Variants in NEDD4L observed in about 807,000 individuals in gnomAD.
The protein encoded by NEDD4L is NEDD4 like E3 ubiquitin protein ligase.
A neutral mutation model predicts 148.9 loss-of-function variants in NEDD4L; 54 were observed. The ratio of observed to expected loss-of-function variants is 0.36; its 90% CI spans 0.29 to 0.45. The LOEUF (loss-of-function observed/expected upper bound fraction) is 0.45. NEDD4L is among the 20% of genes least tolerant of loss of function. The pLI, the probability that NEDD4L is intolerant of heterozygous loss-of-function variation, is 1.00. For synonymous variants in NEDD4L, 433 were observed against 440.7 expected (o/e 0.98, Z 0.22); for missense variants, 856 against 1,233.8 (o/e 0.69, Z 4.59).
At chr18:58,267,286 T>C (rs2050350571) in intron 5 of NEDD4L, among the ~76,000 whole-genome samples, 2 of 152,080 alleles carry the variant, frequency 1.3e-5, no homozygotes, top group Admixed American at 6.5e-5. Context: ...TAATTTACAG[T>C]TTACAGAAAA....
intron 5 of NEDD4L, among the ~76,000 whole-genome samples, chr18:58,260,693 G>A (rs1302000941): frequency 6.6e-6 from 1 of 152,146 alleles, no homozygotes; most frequent in Non-Finnish European, 1.5e-5. Flanking sequence ...GTGTATATTT[G>A]CACAATTAAA....
chr18:58,268,111 AC>A (rs2050486623), intron 5 of NEDD4L, among the ~76,000 whole-genome samples: 3 of 151,712 alleles, frequency 2.0e-5, no homozygotes, highest in Admixed American at 2.0e-4. Flanking sequence ...GATTACCCCA[AC>A]CCCCCAATGG....
At chr18:58,232,438 A>T (rs1358699614) in intron 2 of NEDD4L, among the ~76,000 whole-genome samples, 1 of 152,202 alleles carries the variant, frequency 6.6e-6, no homozygotes, top group Non-Finnish European at 1.5e-5. Flanking sequence ...AATGGATTCC[A>T]CAGTTCACGC....
At chr18:58,338,449 A>G (rs946113694) in intron 13 of NEDD4L, among the ~76,000 whole-genome samples, 11 of 152,260 alleles carry the variant, frequency 7.2e-5, no homozygotes, top group African/African-American at 2.7e-4. Context: ...TGGAGAGAAC[A>G]CTGTAAAGAA....
chr18:58,056,166 C>G (rs912355840), intron 1 of NEDD4L, among the ~76,000 whole-genome samples: 1 of 152,148 alleles, frequency 6.6e-6, no homozygotes, highest in Non-Finnish European at 1.5e-5. Context: ...GTCCCCCTTC[C>G]CCCAGCCTTT....
intron 2 of NEDD4L, among the ~76,000 whole-genome samples, chr18:58,239,118 G>A (rs543022897): frequency 6.6e-6 from 1 of 152,188 alleles, no homozygotes; most frequent in Non-Finnish European, 1.5e-5. Flanking sequence ...AACTTTCTGT[G>A]GGTTAGCTAA....
At chr18:58,118,860 G>C (rs2086032556) in intron 1 of NEDD4L, among the ~76,000 whole-genome samples, 1 of 152,084 alleles carries the variant, frequency 6.6e-6, no homozygotes, top group Non-Finnish European at 1.5e-5. Context: ...TTGTTCCCTG[G>C]GTGGGCGCTG....
At chr18:58,110,839 C>T (rs754739084) in intron 1 of NEDD4L, among the ~76,000 whole-genome samples, 43 of 152,262 alleles carry the variant, frequency 2.8e-4, no homozygotes, top group Non-Finnish European at 4.1e-4. Flanking sequence ...TGCCTTTGTG[C>T]GCAGGCAGAC....
At chr18:58,255,966 C>T (rs1176328571) in intron 5 of NEDD4L, 2 of 1,230,638 alleles carry the variant, frequency 1.6e-6, no homozygotes, top group African/African-American at 1.6e-5. Context: ...GGGTGCGGGC[C>T]GCCCGAGGGC....
At chr18:58,384,671 C>T (rs1346464290) in intron 25 of NEDD4L, among the ~76,000 whole-genome samples, 2 of 152,200 alleles carry the variant, frequency 1.3e-5, no homozygotes, top group Non-Finnish European at 2.9e-5. Flanking sequence ...AAATCACCAA[C>T]TGCTCCCTGA....
At chr18:58,113,848 A>G (rs1031691015) in intron 1 of NEDD4L, among the ~76,000 whole-genome samples, 6 of 152,000 alleles carry the variant, frequency 3.9e-5, no homozygotes, top group African/African-American at 1.4e-4. Context: ...GCAAGAATAG[A>G]TGCAGGGGGA....
chr18:58,323,115 G>T, intron 7 of NEDD4L, 117 bp from the exon 8 acceptor site: 2 of 597,810 alleles, frequency 3.3e-6, no homozygotes, highest in Non-Finnish European at 6.1e-6. Context: ...CTGTGGGTAT[G>T]GGTGGGTGGG....
At chr18:58,214,644 T>TGTGTGTG in intron 2 of NEDD4L, among the ~76,000 whole-genome samples, 1 of 145,052 alleles carries the variant, frequency 6.9e-6, no homozygotes, top group African/African-American at 2.5e-5. Flanking sequence ...TGTGTGTGTG[T>TGTGTGTG]TTTGTTGTTG....
intron 1 of NEDD4L, among the ~76,000 whole-genome samples, chr18:58,128,457 G>A (rs986448591): frequency 1.3e-5 from 2 of 152,200 alleles, no homozygotes; most frequent in Non-Finnish European, 2.9e-5. Context: ...TGCCCATATC[G>A]TGGCCTCTGA....
At position 58,173,292 on chromosome 18, in the gene NEDD4L, A is replaced by G. The variant is rs1356174603; in HGVS notation, c.122+7431A>G. ...TTTGAGACTATAAAGCTGCTTTCTT[A>G]AAACTTAGCAATGTTGGCTGAGACA... On this transcript the variant is annotated intron_variant, in intron 2 of 30. Transcript: ENST00000400345. 2.6e-5 allele frequency among the ~76,000 whole-genome samples: 4 copies of G among 152,318 alleles called. No homozygotes were observed. In the East Asian group the frequency reaches 7.7e-4, roughly 29 times the overall value.
At chr18:58,228,523 T>C (rs182383) in intron 2 of NEDD4L, among the ~76,000 whole-genome samples, 64,840 of 152,148 alleles carry the variant, frequency 0.43, 14,854 homozygotes, top group East Asian at 0.73. Flanking sequence ...AAAGAACCAG[T>C]GCAGAGTGGG....
intron 5 of NEDD4L, among the ~76,000 whole-genome samples, chr18:58,279,055 A>G (rs1056396332): frequency 8.6e-5 from 13 of 150,480 alleles, no homozygotes; most frequent in African/African-American, 3.2e-4. Flanking sequence ...TTTTTTTATT[A>G]TAGTAGAGAT....
chr18:58,383,121 C>T, intron 24 of NEDD4L, 125 bp from the exon 25 acceptor site: 1 of 633,692 alleles, frequency 1.6e-6, no homozygotes, highest in Non-Finnish European at 2.9e-6. Context: ...GTGCACAGAG[C>T]CCATTTGCCG....
rs565602804 is a variant in NEDD4L at position 58,341,595 on chromosome 18, C to T, written c.1258-83C>T. On this transcript the variant is annotated intron_variant, in intron 14 of 30. Transcript: ENST00000400345. ...CCAGACCTCTTATTATTGCTGTTTGCGTTGTTGTTTGGGTTCGCGCTCCTA... is the reference window on the plus strand; with the variant it reads ...CCAGACCTCTTATTATTGCTGTTTGTGTTGTTGTTTGGGTTCGCGCTCCTA... 2.7e-4 allele frequency: 402 copies of T among 1,474,636 alleles called. 2 individuals carry two copies. In the Admixed American group the frequency reaches 7.1e-3, roughly 26 times the overall value. 91.3% of individuals were successfully genotyped at this position (1,474,636 alleles called of 1,614,324 possible).
Sources: allele counts gnomAD v4.1 joint callset (sites outside exome capture counted in the v4.1 genomes callset), GRCh38; gene constraint gnomAD v4.1.1; transcripts MANE v1.5; gene names NCBI Gene and HGNC (gene_info 2026-07-23, HGNC 2026-07-21).